The following SYNE1 variants were observed in gnomAD, a reference collection of about 807,000 sequenced individuals.
SYNE1 encodes the protein spectrin repeat containing nuclear envelope protein 1, also known as nesprin-1.
A neutral mutation model predicts 1,111.0 loss-of-function variants in SYNE1; 616 were observed. The observed-to-expected ratio is 0.55, with a 90% CI of 0.52 to 0.59. The LOEUF is 0.59. Among genes scored for constraint, SYNE1 ranks in the 20% least tolerant of loss-of-function variants. SYNE1 has a pLI of 0.00. For missense variants in SYNE1, 10,006 were observed against 10,417.0 expected (o/e 0.96, Z 1.72); for synonymous variants, 3,855 against 3,825.8 (o/e 1.01, Z -0.28).
intron 17 of SYNE1, 132 bp downstream of exon 17, chr6:152,465,850 G>A: frequency 2.9e-6 from 2 of 691,714 alleles, no homozygotes; most frequent in African/African-American, 1.8e-5. Flanking sequence ...AATCCAGTAT[G>A]TGTTCTCCTG....
At chr6:152,168,433 C>A (rs2064218358) in intron 130 of SYNE1, 1 of 514,062 alleles carries the variant, frequency 1.9e-6, no homozygotes, top group Non-Finnish European at 3.5e-6. Flanking sequence ...GAATGTAGGC[C>A]ACGAGTGTAA....
At chr6:152,577,285 T>A (rs2099500560) in intron 3 of SYNE1, among the ~76,000 whole-genome samples, 1 of 152,150 alleles carries the variant, frequency 6.6e-6, no homozygotes, top group African/African-American at 2.4e-5. Flanking sequence ...CTCACCAAGA[T>A]CCATGAAAAC....
At chr6:152,592,581 G>A (rs1330161507) in intron 3 of SYNE1, among the ~76,000 whole-genome samples, 1 of 152,192 alleles carries the variant, frequency 6.6e-6, no homozygotes, top group Non-Finnish European at 1.5e-5. Context: ...GAGGGAGGAA[G>A]TGAGTTAAAA....
At chr6:152,153,992 A>T (rs573576605) in intron 133 of SYNE1, among the ~76,000 whole-genome samples, 2 of 152,324 alleles carry the variant, frequency 1.3e-5, no homozygotes, top group South Asian at 4.1e-4. Flanking sequence ...GCTACATTTC[A>T]TTACATTTTC....
In SYNE1 at chr6:152,331,796, C is replaced by T. The variant is rs757271177; in HGVS notation, c.12889G>A (p.Asp4297Asn). 2 of 1,614,068 alleles carry T rather than the reference C, an allele frequency of 1.2e-6. No individual in the cohort carries two copies. The highest frequency in any genetic ancestry group is 2.7e-5 in the African/African-American group (2 of 74,920). ...TGCTCTATCATTTTCTGCTTTTGAT[C>T]TTTCAGATCTTCAATAGCATACTTT... ...ERKYAIEDLK[D>N]QKQKMIEHLN... Residue 4297 changes from aspartate (D) to asparagine (N), a missense_variant, in exon 78 of 146, where the codon GAT becomes AAT. By Grantham distance (23) the Asp-to-Asn change is conservative. Around this residue, in one of 7 missense-constraint regions of SYNE1, gnomAD observed 4,955 missense variants for 5,017.2 expected, o/e 0.99. Transcript: ENST00000367255.
chr6:152,417,695 A>G (rs1396347976), intron 40 of SYNE1, among the ~76,000 whole-genome samples: 2 of 152,178 alleles, frequency 1.3e-5, no homozygotes, highest in Non-Finnish European at 2.9e-5. Flanking sequence ...ACATTTATAT[A>G]CAAATATTTG....
At chr6:152,521,299 T>G (rs2099138048) in intron 5 of SYNE1, among the ~76,000 whole-genome samples, 1 of 152,182 alleles carries the variant, frequency 6.6e-6, no homozygotes, top group Non-Finnish European at 1.5e-5. Context: ...TATTGATATT[T>G]TGATATGTTG....
intron 16 of SYNE1, among the ~76,000 whole-genome samples, chr6:152,467,421 T>C (rs540081737): frequency 1.3e-5 from 2 of 152,262 alleles, no homozygotes; most frequent in South Asian, 4.1e-4. Context: ...TTATACCTAA[T>C]GTTCAAGATA....
intron 124 of SYNE1, among the ~76,000 whole-genome samples, chr6:152,210,867 T>C (rs1030133306): frequency 1.3e-5 from 2 of 152,186 alleles, no homozygotes; most frequent in South Asian, 2.1e-4. Context: ...AATTTGCTAT[T>C]GTAAATGAAA....
intron 13 of SYNE1, among the ~76,000 whole-genome samples, chr6:152,483,738 A>C (rs895371454): frequency 1.3e-5 from 2 of 152,220 alleles, no homozygotes; most frequent in South Asian, 4.2e-4. Flanking sequence ...GATGGGTTTA[A>C]AGGATTCTTT....
At chr6:152,177,462 A>G (rs113880825) in intron 129 of SYNE1, among the ~76,000 whole-genome samples, 11 of 152,322 alleles carry the variant, frequency 7.2e-5, no homozygotes, top group African/African-American at 2.6e-4. Context: ...GCAAAATAAT[A>G]TATGAAGACG....
At chr6:152,225,592 C>A in intron 116 of SYNE1, 129 bp downstream of exon 116, 1 of 1,118,246 alleles carries the variant, frequency 8.9e-7, no homozygotes, top group Non-Finnish European at 1.3e-6. Flanking sequence ...ACGAAGTGGA[C>A]TTAAAAGTAC....
At chr6:152,609,981 C>T (rs1300809659) in intron 3 of SYNE1, among the ~76,000 whole-genome samples, 1 of 152,146 alleles carries the variant, frequency 6.6e-6, no homozygotes, top group Admixed American at 6.5e-5. Context: ...CAGCAAAATC[C>T]CATCTGTAGG....
At chr6:152,321,933 C>G in intron 82 of SYNE1, 47 bp from the exon 83 acceptor site, 3 of 1,607,974 alleles carry the variant, frequency 1.9e-6, no homozygotes, top group East Asian at 2.2e-5. Flanking sequence ...TGAAAGGAAC[C>G]CCCTAATACT....
intron 32 of SYNE1, among the ~76,000 whole-genome samples, chr6:152,438,431 G>T (rs1564019091): frequency 6.6e-6 from 1 of 152,140 alleles, no homozygotes. Context: ...CGAAAGAGCA[G>T]AATGATGGTG....
chr6:152,242,941 C>T (rs761268340), intron 106 of SYNE1, among the ~76,000 whole-genome samples: 2 of 151,666 alleles, frequency 1.3e-5, no homozygotes, highest in East Asian at 3.9e-4. Context: ...TATCAAAATG[C>T]AATTTAGATT....
At chr6:152,347,782 G>T (rs1320366171) in intron 72 of SYNE1, among the ~76,000 whole-genome samples, 1 of 150,122 alleles carries the variant, frequency 6.7e-6, no homozygotes, top group Admixed American at 6.7e-5. Context: ...CCAGGTTCTA[G>T]CAATTCTCCT....
intron 79 of SYNE1, 49 bp from the exon 80 acceptor site, chr6:152,326,151 T>G (rs1455937102): frequency 6.2e-7 from 1 of 1,613,940 alleles, no homozygotes; most frequent in Non-Finnish European, 8.5e-7. Context: ...ATCACGTATT[T>G]CTACACGAAG....
intron 87 of SYNE1, 110 bp from the exon 88 acceptor site, chr6:152,310,983 G>T: frequency 1.8e-6 from 2 of 1,139,866 alleles, no homozygotes; most frequent in South Asian, 1.3e-5. Context: ...GTCCGTTATT[G>T]TGTTTAACCT....
Sources: allele counts gnomAD v4.1 joint callset (sites outside exome capture counted in the v4.1 genomes callset), GRCh38; gene constraint gnomAD v4.1.1; regional missense constraint gnomAD v4.1.1; transcripts MANE v1.5; gene names NCBI Gene and HGNC (gene_info 2026-07-23, HGNC 2026-07-21).